TSHR: variants seen among roughly 807,000 people sequenced by gnomAD.
TSHR encodes thyrotropin receptor.
TSHR carries 51 observed loss-of-function variants against 64.1 expected under a neutral mutation model. The ratio of observed to expected loss-of-function variants is 0.80; its 90% CI spans 0.64 to 1.01. The LOEUF is 1.01. TSHR is among the 50% of genes least tolerant of loss of function. TSHR has a pLI of 0.00. For synonymous variants in TSHR, 361 were observed against 361.9 expected, an observed-to-expected ratio of 1.00 and a Z score of 0.03; for missense variants, 877 against 942.8, an observed-to-expected ratio of 0.93 and a Z score of 0.91.
intron 1 of TSHR, among the ~76,000 whole-genome samples, chr14:81,022,137 G>A (rs942738391): frequency 6.6e-6 from 1 of 151,458 alleles, no homozygotes; most frequent in African/African-American, 2.4e-5. Context: ...AGGCGTGGTG[G>A]TGGGTGCCTG....
Position 81,057,299 on chromosome 14 carries a change from T to C in TSHR, c.171-4849T>C, listed in dbSNP as rs185776035. Among the ~76,000 whole-genome samples, 67 of 152,156 alleles carry C rather than the reference T, an allele frequency of 4.4e-4. No individual in the cohort carries two copies. In the East Asian group the frequency reaches 0.012, roughly 27 times the overall value. On this transcript the variant is annotated intron_variant, in intron 1 of 9. Coordinates refer to ENST00000298171, the MANE Select transcript of TSHR (RefSeq NM_000369.5). The stretch of plus-strand genomic sequence containing the variant: ...GGTGGTGGGTGCCTGTAATACCAGC[T>C]ACTCAGGAGGCTGAGGCAGGAGAAT...
At chr14:81,123,910 T>C (rs1196487825) in intron 8 of TSHR, among the ~76,000 whole-genome samples, 1 of 152,220 alleles carries the variant, frequency 6.6e-6, no homozygotes, top group African/African-American at 2.4e-5. Context: ...CCTTGTTTTC[T>C]TTTTATCTTA....
intron 1 of TSHR, among the ~76,000 whole-genome samples, chr14:81,041,569 A>G (rs150841879): frequency 2.5e-3 from 374 of 152,132 alleles, no homozygotes; most frequent in African/African-American, 8.4e-3. Flanking sequence ...ACTAATGGAT[A>G]TTAGGCCTAA....
chr14:81,075,846 G>A (rs906759048), intron 3 of TSHR, among the ~76,000 whole-genome samples: 6 of 140,776 alleles, frequency 4.3e-5, no homozygotes, highest in South Asian at 4.4e-4. Flanking sequence ...ACATGCACAC[G>A]TATGTTTATT....
intron 6 of TSHR, chr14:81,094,291 G>A (rs561991989): frequency 6.6e-6 from 1 of 152,254 alleles, no homozygotes; most frequent in Admixed American, 6.5e-5. Context: ...CCCTTTTCAA[G>A]GCCGATTTGT....
chr14:81,113,784 T>C (rs1470202409), intron 8 of TSHR, among the ~76,000 whole-genome samples: 1 of 152,134 alleles, frequency 6.6e-6, no homozygotes, highest in African/African-American at 2.4e-5. Context: ...ATCTAGGAAA[T>C]ATTTTATCAA....
intron 1 of TSHR, among the ~76,000 whole-genome samples, chr14:80,973,036 C>T (rs1390884681): frequency 6.6e-6 from 1 of 152,154 alleles, no homozygotes; most frequent in East Asian, 1.9e-4. Flanking sequence ...ATTTCTAACA[C>T]ATCAATGTAG....
chr14:81,044,343 G>C (rs970276981), intron 1 of TSHR, among the ~76,000 whole-genome samples: 1 of 152,118 alleles, frequency 6.6e-6, no homozygotes, highest in African/African-American at 2.4e-5. Context: ...CAACATCACT[G>C]ATCATTAGAA....
At chr14:80,986,166 C>T (rs1471186651) in intron 1 of TSHR, among the ~76,000 whole-genome samples, 2 of 152,096 alleles carry the variant, frequency 1.3e-5, no homozygotes, top group African/African-American at 4.8e-5. Flanking sequence ...TAACATTTAT[C>T]AGTGGTCATA....
chr14:81,015,881 C>T (rs1323485322), intron 1 of TSHR, among the ~76,000 whole-genome samples: 1 of 151,890 alleles, frequency 6.6e-6, no homozygotes, highest in Non-Finnish European at 1.5e-5. Context: ...CGGTATTTGT[C>T]TTTGTGTACC....
intron 9 of TSHR, among the ~76,000 whole-genome samples, chr14:81,142,211 G>A (rs1426894245): frequency 2.0e-5 from 3 of 152,152 alleles, no homozygotes; most frequent in Non-Finnish European, 4.4e-5. Flanking sequence ...CTCCCAAGTA[G>A]CTGGAATTAC....
intron 1 of TSHR, 73 bp from the exon 2 acceptor site, chr14:81,062,075 T>C: frequency 7.6e-7 from 1 of 1,320,322 alleles, no homozygotes; most frequent in South Asian, 1.2e-5. Context: ...AATTATGTGT[T>C]TTTATAATTA....
Position 81,075,137 on chromosome 14 carries a change from C to T in TSHR, c.317+6809C>T, listed in dbSNP as rs148448141. ...TCACCGAGTTTCAGCCAGTCACAGG[C>T]GACCAATTGTTCAAACAGTGTTCAA... On this transcript the variant is annotated intron_variant, in intron 3 of 9. Transcript: ENST00000298171. Among the ~76,000 whole-genome samples the T allele has an allele frequency of 1.9e-4, 29 of 152,266 alleles. 1 individual carries two copies. The East Asian group carries it at 1.9e-3, about 10-fold the overall frequency.
At chr14:80,970,765 C>T (rs1038276092) in intron 1 of TSHR, among the ~76,000 whole-genome samples, 4 of 152,232 alleles carry the variant, frequency 2.6e-5, no homozygotes, top group Admixed American at 6.5e-5. Flanking sequence ...AAGTGCTGTA[C>T]TTCTTTGTAA....
intron 1 of TSHR, chr14:80,983,487 G>C: frequency 7.4e-7 from 1 of 1,360,516 alleles, no homozygotes; most frequent in South Asian, 1.2e-5. Context: ...TAACCATAAA[G>C]AGGCAAAAGC....
chr14:81,115,193 G>A lies in TSHR; in HGVS notation c.692+6741G>A, dbSNP rs1024664954. ...AAGCTGGACGGAGAATGACTTTGAC[G>A]AGCTGAGAGAAGAAGGCTTCAGACG... On this transcript the variant is annotated intron_variant, in intron 8 of 9. Transcript: ENST00000298171. 7.2e-5 allele frequency among the ~76,000 whole-genome samples: 11 copies of A among 151,730 alleles called. 2 individuals are homozygous for A. The highest frequency in any genetic ancestry group is 7.2e-4 in the Admixed American group (11 of 15,246).
chr14:81,068,142 C>A, intron 2 of TSHR, 112 bp from the exon 3 acceptor site: 2 of 958,822 alleles, frequency 2.1e-6, no homozygotes, highest in Non-Finnish European at 3.3e-6. Flanking sequence ...GAGGGTTGTA[C>A]ATGTTGCATG....
chr14:80,990,836 G>A (rs28701160), intron 1 of TSHR, among the ~76,000 whole-genome samples: 8,415 of 152,132 alleles, frequency 0.055, 750 homozygotes, highest in African/African-American at 0.19. Context: ...TATATCGTTA[G>A]TAGAGACGGG....
intron 1 of TSHR, chr14:81,001,495 C>A (rs987272325): frequency 5.8e-6 from 3 of 516,764 alleles, no homozygotes; most frequent in South Asian, 2.8e-5. Flanking sequence ...CCCTTAAGTT[C>A]GGCATTTCTC....
Sources: allele counts gnomAD v4.1 joint callset (sites outside exome capture counted in the v4.1 genomes callset), GRCh38; gene constraint gnomAD v4.1.1; transcripts MANE v1.5; gene names NCBI Gene and HGNC (gene_info 2026-07-23, HGNC 2026-07-21).